ARHGAP10: variants seen among roughly 807,000 people sequenced by gnomAD.
The protein encoded by ARHGAP10 is rho GTPase-activating protein 10.
Under a neutral mutation model 108.6 loss-of-function variants are expected in ARHGAP10, and 87 were observed. That is an observed-to-expected ratio of 0.80 (90% CI 0.67 to 0.96). ARHGAP10 has a LOEUF of 0.96. ARHGAP10 is among the 40% of genes least tolerant of loss of function. The probability of loss-of-function intolerance (pLI) is 0.00; values close to 1 mark genes in which losing one functional copy is unlikely to be tolerated. For synonymous variants in ARHGAP10, 347 were observed against 341.1 expected, an observed-to-expected ratio of 1.02 and a Z score of -0.19; for missense variants, 939 against 954.5, an observed-to-expected ratio of 0.98 and a Z score of 0.21.
At chr4:147,840,787 C>T (rs1219072257) in intron 3 of ARHGAP10, among the ~76,000 whole-genome samples, 2 of 152,216 alleles carry the variant, frequency 1.3e-5, no homozygotes, top group Non-Finnish European at 2.9e-5. Context: ...TTGAGTCCCT[C>T]TCTTTAGCTC....
intron 1 of ARHGAP10, among the ~76,000 whole-genome samples, chr4:147,794,580 C>T (rs1731240992): frequency 6.6e-6 from 1 of 152,174 alleles, no homozygotes; most frequent in Non-Finnish European, 1.5e-5. Flanking sequence ...ATAATCTTGA[C>T]TTCTAGTAGC....
chr4:147,922,568 G>A (rs1400649007), intron 13 of ARHGAP10, among the ~76,000 whole-genome samples: 1 of 149,204 alleles, frequency 6.7e-6, no homozygotes, highest in African/African-American at 2.5e-5. Context: ...GGCGCCTGTA[G>A]TCCTAGCTAC....
intron 1 of ARHGAP10, among the ~76,000 whole-genome samples, chr4:147,798,724 A>ACTCTCTCT (rs1178256407): frequency 8.1e-5 from 7 of 86,014 alleles, no homozygotes; most frequent in African/African-American, 4.8e-4. Flanking sequence ...AGTTTGAGAC[A>ACTCTCTCT]CTCTCTCTCT....
At chr4:147,846,451 T>C (rs898743007) in intron 3 of ARHGAP10, among the ~76,000 whole-genome samples, 2 of 152,204 alleles carry the variant, frequency 1.3e-5, no homozygotes, top group African/African-American at 4.8e-5. Context: ...TAAGTATGTT[T>C]TCTTTTGATG....
At chr4:147,908,098 C>T (rs1736574959) in intron 11 of ARHGAP10, among the ~76,000 whole-genome samples, 1 of 152,190 alleles carries the variant, frequency 6.6e-6, no homozygotes, top group African/African-American at 2.4e-5. Flanking sequence ...CCCACCTTGG[C>T]CTCCCAAAGT....
intron 1 of ARHGAP10, among the ~76,000 whole-genome samples, chr4:147,789,616 G>A (rs1396584420): frequency 1.3e-5 from 2 of 152,174 alleles, no homozygotes; most frequent in Non-Finnish European, 2.9e-5. Context: ...CCTAACTAAT[G>A]CAATATTCTG....
intron 18 of ARHGAP10, among the ~76,000 whole-genome samples, chr4:147,968,594 C>T (rs1483200981): frequency 1.3e-5 from 2 of 152,188 alleles, no homozygotes; most frequent in African/African-American, 4.8e-5. Context: ...AAGTGACTTG[C>T]TTTCTTACTT....
chr4:147,939,062 G>A (rs1189767221), intron 13 of ARHGAP10, among the ~76,000 whole-genome samples: 1 of 152,112 alleles, frequency 6.6e-6, no homozygotes, highest in Non-Finnish European at 1.5e-5. Flanking sequence ...TTAAACAAAT[G>A]GAGATTTTCT....
intron 3 of ARHGAP10, among the ~76,000 whole-genome samples, chr4:147,827,461 C>T (rs570993659): frequency 2.0e-5 from 3 of 152,160 alleles, no homozygotes; most frequent in Admixed American, 2.0e-4. Flanking sequence ...AGTGGGCAGC[C>T]CCTAAGCTTG....
intron 14 of ARHGAP10, 97 bp downstream of exon 14, chr4:147,939,996 A>G (rs1216461371): frequency 1.7e-6 from 2 of 1,169,394 alleles, no homozygotes; most frequent in East Asian, 2.4e-5. Context: ...AATACTTGTC[A>G]TTCCATTCCT....
At chr4:147,774,773 A>G (rs920332457) in intron 1 of ARHGAP10, among the ~76,000 whole-genome samples, 1 of 152,300 alleles carries the variant, frequency 6.6e-6, no homozygotes, top group East Asian at 1.9e-4. Context: ...TCTTGGGGCA[A>G]AGATTCTTGG....
At chr4:147,878,095 C>T (rs895159913) in intron 8 of ARHGAP10, among the ~76,000 whole-genome samples, 1 of 151,408 alleles carries the variant, frequency 6.6e-6, no homozygotes, top group Non-Finnish European at 1.5e-5. Flanking sequence ...CACCACCACG[C>T]CCAGCTAATT....
intron 18 of ARHGAP10, among the ~76,000 whole-genome samples, chr4:147,991,145 T>TAA (rs575585774): frequency 0.016 from 2,026 of 128,714 alleles, 83 homozygotes; most frequent in African/African-American, 0.059. Context: ...CCCCTGAACC[T>TAA]AAAAAAAAAA....
intron 15 of ARHGAP10, among the ~76,000 whole-genome samples, chr4:147,949,192 C>T (rs1293833998): frequency 1.3e-5 from 2 of 152,110 alleles, no homozygotes; most frequent in Non-Finnish European, 2.9e-5. Flanking sequence ...CTGTTATGTG[C>T]ACTATTGTTA....
At chr4:148,016,983 T>C (rs868709127) in intron 18 of ARHGAP10, among the ~76,000 whole-genome samples, 1 of 112,578 alleles carries the variant, frequency 8.9e-6, no homozygotes. Flanking sequence ...TCATCTCTAT[T>C]AAAAAAAAAA....
At chr4:147,817,159 T>A (rs1732283384) in intron 1 of ARHGAP10, among the ~76,000 whole-genome samples, 1 of 152,236 alleles carries the variant, frequency 6.6e-6, no homozygotes, top group Non-Finnish European at 1.5e-5. Flanking sequence ...CTTTTTCTTT[T>A]CAAGCCCAGG....
At chr4:147,935,701 A>T (rs1171532695) in intron 13 of ARHGAP10, among the ~76,000 whole-genome samples, 1 of 152,258 alleles carries the variant, frequency 6.6e-6, no homozygotes, top group Non-Finnish European at 1.5e-5. Flanking sequence ...GTGTTCATAG[A>T]TAAAAAGTAT....
chr4:147,995,843 A>G (rs1740453706), intron 18 of ARHGAP10, among the ~76,000 whole-genome samples: 1 of 151,650 alleles, frequency 6.6e-6, no homozygotes, highest in African/African-American at 2.4e-5. Context: ...CAGCCTCCCG[A>G]GTAGCTGGGA....
intron 11 of ARHGAP10, 45 bp downstream of exon 11, chr4:147,906,764 T>C (rs1164348524): frequency 1.3e-6 from 2 of 1,597,242 alleles, no homozygotes; most frequent in Non-Finnish European, 1.7e-6. Flanking sequence ...GCCTTTAGAG[T>C]TGACTTGCAT....
Sources: gnomAD v4.1 joint callset for allele counts (sites outside exome capture counted in the v4.1 genomes callset) on GRCh38, gnomAD v4.1.1 for gene constraint, MANE v1.5 for transcripts, NCBI Gene and HGNC (gene_info 2026-07-23, HGNC 2026-07-21) for gene names.